The following RTEL1 variants were observed in gnomAD, a reference collection of about 807,000 sequenced individuals.
The protein encoded by RTEL1 is regulator of telomere elongation helicase 1.
RTEL1 carries 86 observed loss-of-function variants against 162.2 expected under a neutral mutation model. The ratio of observed to expected loss-of-function variants is 0.53; its 90% CI spans 0.45 to 0.63. The LOEUF is 0.63. Among genes scored for constraint, RTEL1 ranks in the 30% least tolerant of loss-of-function variants. The pLI is 0.00. For synonymous variants in RTEL1, 958 were observed against 717.9 expected, an observed-to-expected ratio of 1.33 and a Z score of -5.35; for missense variants, 1,941 against 1,750.2, an observed-to-expected ratio of 1.11 and a Z score of -1.95.
Position 63,694,397 on chromosome 20 carries a change from G to T in RTEL1, c.3018G>T (p.Leu1006=), listed in dbSNP as rs374853062. 15 of 1,612,268 alleles carry T rather than the reference G, an allele frequency of 9.3e-6. No homozygotes were observed. In the African/African-American group the frequency reaches 1.7e-4, roughly 19 times the overall value. The change falls in exon 31 of 35, where the codon CTG becomes CTT. Residue 1006 remains leucine (L), a synonymous_variant. Coordinates refer to ENST00000360203, the MANE Select transcript of RTEL1 (RefSeq NM_001283009.2). ...PTGRTAPDPK[L]TVSTAAAQQL... ...GAAGAACGGCGCCGGATCCCAAGCTGACCGTGTCCACGGCTGCAGCCCAGC... is the reference window on the plus strand; with the variant it reads ...GAAGAACGGCGCCGGATCCCAAGCTTACCGTGTCCACGGCTGCAGCCCAGC...
At chr20:63,694,170 T>G (rs1236832786) in intron 30 of RTEL1, 1 of 589,488 alleles carries the variant, frequency 1.7e-6, no homozygotes, top group Non-Finnish European at 3.1e-6. Flanking sequence ...GGCTTTGGCC[T>G]GCCCGCCACT....
At chr20:63,683,433 GGGAAGGAA>G (rs1235970489) in intron 14 of RTEL1, among the ~76,000 whole-genome samples, 1 of 152,202 alleles carries the variant, frequency 6.6e-6, no homozygotes, top group South Asian at 2.1e-4. Context: ...GAAAATGGCT[GGGAAGGAA>G]GGAAGGAACG....
At chr20:63,691,544 G>A (rs1055704545) in intron 27 of RTEL1, among the ~76,000 whole-genome samples, 198 bp from the exon 28 acceptor site, 11 of 152,194 alleles carry the variant, frequency 7.2e-5, no homozygotes, top group South Asian at 2.1e-4. Flanking sequence ...CACCACCTGC[G>A]AGCCTCATGA....
In RTEL1 at chr20:63,674,865, G is replaced by A. The variant is rs149018360; in HGVS notation, c.919+772G>A. ...GCTAGTCACGGCATACGTGGAAAAC[G>A]TGGAAACCCTTCATGGATGTTGTCA... On this transcript the variant is annotated intron_variant, in intron 10 of 34. Coordinates refer to ENST00000360203, the MANE Select transcript of RTEL1 (RefSeq NM_001283009.2). 4.8e-3 allele frequency among the ~76,000 whole-genome samples: 731 copies of A among 152,140 alleles called. 4 individuals carry two copies. The highest frequency in any genetic ancestry group is 0.02 in the Middle Eastern group (6 of 294).
intron 14 of RTEL1, 178 bp downstream of exon 14, chr20:63,680,897 C>T (rs1209552447): frequency 4.3e-5 from 42 of 984,174 alleles, no homozygotes; most frequent in Non-Finnish European, 4.5e-5. Flanking sequence ...CACTGGGCCT[C>T]CTGCAGGGAT....
At chr20:63,693,516 A>ACCTCCT (rs1348873893) in intron 30 of RTEL1, among the ~76,000 whole-genome samples, 1 of 14,856 alleles carries the variant, frequency 6.7e-5, no homozygotes, top group Non-Finnish European at 1.4e-4. Context: ...CACCTCCTCC[A>ACCTCCT]CCACCACCAC....
chr20:63,680,076 ATCT>A (rs1354906602), intron 13 of RTEL1, 130 bp downstream of exon 13: 2 of 645,122 alleles, frequency 3.1e-6, no homozygotes, highest in South Asian at 1.9e-5. Flanking sequence ...ACAGAACCTC[ATCT>A]TCTGATCGGG....
intron 14 of RTEL1, chr20:63,680,983 G>C: frequency 1.0e-6 from 1 of 985,388 alleles, no homozygotes; most frequent in Non-Finnish European, 1.2e-6. Flanking sequence ...GTGGGGGCCG[G>C]GGAGCCGCTC....
chr20:63,691,702 G>A (rs764915904), intron 27 of RTEL1, 40 bp from the exon 28 acceptor site: 2 of 1,539,104 alleles, frequency 1.3e-6, no homozygotes, highest in Admixed American at 1.7e-5. Flanking sequence ...AGAGTGTGTG[G>A]TTGGGGTCTG....
chr20:63,683,026 T>C (rs1402537230), intron 14 of RTEL1, among the ~76,000 whole-genome samples: 1 of 152,164 alleles, frequency 6.6e-6, no homozygotes, highest in Non-Finnish European at 1.5e-5. Flanking sequence ...TGCAGGGGCT[T>C]GATCACAGCT....
intron 16 of RTEL1, chr20:63,686,875 T>C (rs2145416521): frequency 6.0e-6 from 1 of 166,598 alleles, no homozygotes; most frequent in East Asian, 1.5e-4. Flanking sequence ...GTTTGTTCCA[T>C]TGACCTCTGA....
chr20:63,671,365 A>C (rs550559540), intron 8 of RTEL1, among the ~76,000 whole-genome samples: 3 of 152,110 alleles, frequency 2.0e-5, no homozygotes, highest in East Asian at 1.9e-4. Context: ...GGCTGGACCT[A>C]CTGTTTTATT....
chr20:63,662,357 A>C, intron 4 of RTEL1, 189 bp from the exon 5 acceptor site: 1 of 1,167,856 alleles, frequency 8.6e-7, no homozygotes, highest in Non-Finnish European at 1.2e-6. Flanking sequence ...AAGCTGTCGA[A>C]TCTCCTCCCT....
rs1568720636 is a variant in RTEL1 at position 63,693,528 on chromosome 20, TCCACCACCACCACCA to T, written c.2992+257_2992+271del. Among the ~76,000 whole-genome samples, 18 of 3,148 alleles carry T rather than the reference TCCACCACCACCACCA, an allele frequency of 5.7e-3. 1 individual carries two copies. Among genetic ancestry groups the T allele is most frequent in the East Asian group, 0.021 (5 of 236 alleles). The allele number at this position is 3,148 out of a possible 152,430, so 2.1% of individuals were successfully genotyped here. A position where few individuals can be genotyped will look rare whatever the true frequency, so the allele number is the denominator to read the frequency against. On this transcript the variant is annotated intron_variant, in intron 30 of 34. Coordinates refer to ENST00000360203, the MANE Select transcript of RTEL1 (RefSeq NM_001283009.2). ...CACCACCTCCTCCACCACCACCACC[TCCACCACCACCACCA>T]CCACCACCACCTCCACCTCCACCAC...
chr20:63,685,891 A>T lies in RTEL1; in HGVS notation c.1348+19A>T. The T allele has an allele frequency of 6.2e-7, 1 of 1,608,150 alleles. No individual in the cohort carries two copies. Among genetic ancestry groups the T allele is most frequent in the South Asian group, 1.1e-5 (1 of 90,420 alleles). ...AAGCGAGGTACAGACCTGGGCCCAC[A>T]CGCTCCCCGCCCGCCCGGGTGCAGT... On this transcript the variant is annotated intron_variant, in intron 16 of 34. Transcript: ENST00000360203.
In RTEL1 at chr20:63,661,649, T is replaced by C; in HGVS notation, c.301+153T>C. 1 of 967,550 alleles carries C rather than the reference T, an allele frequency of 1.0e-6. No individual in the cohort carries two copies. Among genetic ancestry groups the C allele is most frequent in the Non-Finnish European group, 1.5e-6 (1 of 657,684 alleles). The allele number at this position is 967,550 out of a possible 1,614,324, so 59.9% of individuals were successfully genotyped here. A position where few individuals can be genotyped will look rare whatever the true frequency, so the allele number is the denominator to read the frequency against. On this transcript the variant is annotated intron_variant, in intron 3 of 34. Coordinates refer to ENST00000360203, the MANE Select transcript of RTEL1 (RefSeq NM_001283009.2). The surrounding 1 kb of genome is among the most constrained non-coding windows in gnomAD (Gnocchi z 5.1). ...GCTGCTGTATAATTTCTCGCCATCG[T>C]GGGTGTAAACCTAGGGTTGGGCTTT... is the stretch of plus-strand genomic sequence containing the variant.
At chr20:63,684,178 G>A (rs191388122) in intron 14 of RTEL1, among the ~76,000 whole-genome samples, 1 of 152,268 alleles carries the variant, frequency 6.6e-6, no homozygotes, top group South Asian at 2.1e-4. Flanking sequence ...CGTCACCTGT[G>A]GGGGTGTGAA....
At position 63,695,068 on chromosome 20, in the gene RTEL1, T is replaced by G; in HGVS notation, c.3346T>G (p.Phe1116Val). The G allele has an allele frequency of 6.2e-7, 1 of 1,611,764 alleles. No homozygotes were observed. The highest frequency in any genetic ancestry group is 8.5e-7 in the Non-Finnish European group (1 of 1,179,648). The change falls in exon 33 of 35, where the codon TTC becomes GTC. Residue 1116 changes from phenylalanine (F) to valine (V), a missense_variant and splice_region_variant. Physicochemically the swap from Phe to Val is conservative, Grantham distance 50. Coordinates refer to ENST00000360203, the MANE Select transcript of RTEL1 (RefSeq NM_001283009.2). ...GGTCTGATTGAAGCTCCCCGCAGGG[T>G]TCAGCATGTTTGTGCGTCCACACCA... ...KPEDFPLLHR[F>V]SMFVRPHHKQ...
intron 14 of RTEL1, chr20:63,682,076 G>T: frequency 2.0e-6 from 2 of 985,460 alleles, no homozygotes; most frequent in Non-Finnish European, 2.4e-6. Context: ...GAGGGCAGGT[G>T]TGAGCTGGCC....
Sources: gnomAD v4.1 joint callset for allele counts (sites outside exome capture counted in the v4.1 genomes callset) on GRCh38, gnomAD v4.1.1 for gene constraint, Gnocchi (gnomAD v3.1) non-coding constraint, MANE v1.5 for transcripts, NCBI Gene and HGNC (gene_info 2026-07-23, HGNC 2026-07-21) for gene names.